Variants in ADAM33 observed in about 807,000 individuals in gnomAD.
ADAM33 encodes the protein ADAM metallopeptidase domain 33.
A neutral mutation model predicts 106.2 loss-of-function variants in ADAM33; 103 were observed. That is an observed-to-expected ratio of 0.97 (90% CI 0.83 to 1.14). The LOEUF (loss-of-function observed/expected upper bound fraction) is 1.14, where lower values mean the gene tolerates loss of function less well. Among genes scored for constraint, ADAM33 ranks in the 50% most tolerant of loss-of-function variants. ADAM33 has a pLI of 0.00. For missense variants in ADAM33, 1,120 were observed against 1,096.6 expected (o/e 1.02, Z -0.30); for synonymous variants, 483 against 453.0 (o/e 1.07, Z -0.84).
intron 2 of ADAM33, among the ~76,000 whole-genome samples, chr20:3,678,592 C>T (rs2088175472): frequency 6.6e-6 from 1 of 152,214 alleles, no homozygotes; most frequent in Non-Finnish European, 1.5e-5. Flanking sequence ...GGCCTCTCAG[C>T]CTTCATGGCA....
At chr20:3,681,853 C>T (rs2088529074) in intron 1 of ADAM33, 55 bp downstream of exon 1, 2 of 1,571,052 alleles carry the variant, frequency 1.3e-6, no homozygotes, top group African/African-American at 2.8e-5. Context: ...CCCATCCCCG[C>T]CACCACCACC....
At chr20:3,676,200 C>T (rs962958506) in intron 3 of ADAM33, among the ~76,000 whole-genome samples, 8 of 151,164 alleles carry the variant, frequency 5.3e-5, no homozygotes, top group Non-Finnish European at 1.0e-4. Context: ...CCTTCCTGAG[C>T]ACAGGTCTGC....
chr20:3,674,894 C>G (rs745904114), intron 4 of ADAM33, 45 bp from the exon 5 acceptor site: 11 of 1,606,322 alleles, frequency 6.8e-6, no homozygotes, highest in Non-Finnish European at 9.4e-6. Context: ...AGGGCTGGAG[C>G]AAGAGGGGCA....
chr20:3,668,938 A>G lies in ADAM33; in HGVS notation c.*25T>C. ...GCTGTCAGTGGCCACCTGTCTTTAA[A>G]TCTGTTCATTTTAGGAGCTACCTCT... On this transcript the variant is annotated 3_prime_UTR_variant, in exon 22 of 22. Coordinates refer to ENST00000356518, the MANE Select transcript of ADAM33 (RefSeq NM_025220.5). 6.2e-7 allele frequency: 1 copy of G among 1,613,422 alleles called. No individual in the cohort carries two copies. The highest frequency in any genetic ancestry group is 2.2e-5 in the East Asian group (1 of 44,864).
In ADAM33 at chr20:3,668,828, G is replaced by T. The variant is rs551608684; in HGVS notation, c.*135C>A. Reference sequence around the variant, plus strand: ...GAGTGGGTGGGTCGAAGCTCCACTCGGGGAAGAAACTTCCAAGCTGCCTGC... The same window carrying T: ...GAGTGGGTGGGTCGAAGCTCCACTCTGGGAAGAAACTTCCAAGCTGCCTGC... On this transcript the variant is annotated 3_prime_UTR_variant, in exon 22 of 22. Coordinates refer to ENST00000356518, the MANE Select transcript of ADAM33 (RefSeq NM_025220.5). 9.1e-7 allele frequency: 1 copy of T among 1,101,108 alleles called. No homozygotes were observed. The highest frequency in any genetic ancestry group is 1.7e-5 in the Admixed American group (1 of 58,480). 68.2% of individuals were successfully genotyped at this position (1,101,108 alleles called of 1,614,324 possible). A position where few individuals can be genotyped will look rare whatever the true frequency, so the allele number is the denominator to read the frequency against.
chr20:3,679,121 G>A (rs1416832829), intron 2 of ADAM33, among the ~76,000 whole-genome samples: 3 of 123,790 alleles, frequency 2.4e-5, no homozygotes, highest in African/African-American at 3.3e-5. Context: ...TTTGCAAAAG[G>A]TTTTCTTTTT....
In ADAM33 at chr20:3,668,727, G is replaced by A; in HGVS notation, c.*236C>T. On this transcript the variant is annotated 3_prime_UTR_variant, in exon 22 of 22. Coordinates refer to ENST00000356518, the MANE Select transcript of ADAM33 (RefSeq NM_025220.5). ...TGTGACCTTTGCTTCTGGGACTGATGGTTTATTGAGCTGGAGAGTGTGCCC... is the reference window on the plus strand; with the variant it reads ...TGTGACCTTTGCTTCTGGGACTGATAGTTTATTGAGCTGGAGAGTGTGCCC... The A allele has an allele frequency of 1.8e-6, 1 of 561,682 alleles. No individual in the cohort carries two copies. Among genetic ancestry groups the A allele is most frequent in the South Asian group, 2.0e-5 (1 of 50,630 alleles). The allele number at this position is 561,682 out of a possible 1,614,324, so 34.8% of individuals were successfully genotyped here.
intron 1 of ADAM33, among the ~76,000 whole-genome samples, chr20:3,679,913 C>T (rs913681662): frequency 2.6e-5 from 4 of 152,132 alleles, no homozygotes; most frequent in African/African-American, 4.8e-5. Flanking sequence ...GGAAAGAGCG[C>T]GGCAGCCTTA....
chr20:3,669,351 C>T lies in ADAM33; in HGVS notation c.2352G>A (p.Glu784=). ...GAGGCTTCTCAGGGTGGCTGCTGGG[C>T]TCATGAGAGTTCTCAGGGTCTGGGA... The part of the protein sequence containing the change: ...PWPLDPENSH[E]PSSHPEKPLP... Residue 784 remains glutamate (E), a synonymous_variant, in exon 21 of 22, where the codon GAG becomes GAA. Coordinates refer to ENST00000356518, the MANE Select transcript of ADAM33 (RefSeq NM_025220.5). 1 of 1,605,116 alleles carries T rather than the reference C, an allele frequency of 6.2e-7. No homozygotes were observed. The highest frequency in any genetic ancestry group is 8.5e-7 in the Non-Finnish European group (1 of 1,177,750).
At chr20:3,673,968 T>A in intron 8 of ADAM33, 57 bp from the exon 9 acceptor site, 12 of 1,593,672 alleles carry the variant, frequency 7.5e-6, no homozygotes, top group Non-Finnish European at 9.4e-6. Context: ...CCGGTGGTCC[T>A]TCGTGGGGCG....
intron 13 of ADAM33, 69 bp from the exon 14 acceptor site, chr20:3,672,398 C>T (rs939213717): frequency 6.3e-7 from 1 of 1,581,636 alleles, no homozygotes; most frequent in South Asian, 1.2e-5. Flanking sequence ...ATGCCGAGAG[C>T]GCGGCTCGGA....
At position 3,673,448 on chromosome 20, in the gene ADAM33, T is replaced by C; in HGVS notation, c.1039A>G (p.Ile347Val). The part of the protein sequence containing the change: ...IGAAATMAHE[I>V]GHSLGLSHDP... ...TGGCTGAGGCCGAGGCTGTGGCCGA[T>C]CTCATGGGCCATGGTGGCTGCGGCG... Residue 347 changes from isoleucine (I) to valine (V), a missense_variant, in exon 11 of 22, where the codon ATC (isoleucine) becomes GTC (valine). Coordinates refer to ENST00000356518, the MANE Select transcript of ADAM33 (RefSeq NM_025220.5). 1 of 1,578,780 alleles carries C rather than the reference T, an allele frequency of 6.3e-7. No individual in the cohort carries two copies. Among genetic ancestry groups the C allele is most frequent in the South Asian group, 1.1e-5 (1 of 87,092 alleles).
rs1568808245 is a variant in ADAM33 at position 3,673,836 on chromosome 20, T to G, written c.814A>C (p.Thr272Pro). Residue 272 changes from threonine to proline, a missense_variant, in exon 9 of 22, where the codon ACG becomes CCG. Coordinates refer to ENST00000356518, the MANE Select transcript of ADAM33 (RefSeq NM_025220.5). ...VWTERDRSRV[T>P]QDANATLWAF... Reference sequence around the variant, plus strand: ...CAGAGCGTGGCGTTGGCGTCCTGCGTGACGCGGCTGCGGTCCCGCTCGGTC... The same window carrying G: ...CAGAGCGTGGCGTTGGCGTCCTGCGGGACGCGGCTGCGGTCCCGCTCGGTC... The G allele has an allele frequency of 6.4e-7, 1 of 1,563,024 alleles. No homozygotes were observed. Among genetic ancestry groups the G allele is most frequent in the Non-Finnish European group, 8.6e-7 (1 of 1,162,396 alleles).
intron 15 of ADAM33, 27 bp from the exon 16 acceptor site, chr20:3,671,806 C>G: frequency 6.4e-7 from 1 of 1,552,704 alleles, no homozygotes; most frequent in Non-Finnish European, 8.7e-7. Flanking sequence ...GGGGGGTCAA[C>G]AGCTGCAGTA....
chr20:3,675,169 C>T lies in ADAM33; in HGVS notation c.255-64G>A. The T allele has an allele frequency of 7.8e-7, 1 of 1,280,888 alleles. No individual in the cohort carries two copies. The highest frequency in any genetic ancestry group is 1.1e-6 in the Non-Finnish European group (1 of 896,706). 79.3% of individuals were successfully genotyped at this position (1,280,888 alleles called of 1,614,324 possible). On this transcript the variant is annotated intron_variant, in intron 3 of 21. Coordinates refer to ENST00000356518, the MANE Select transcript of ADAM33 (RefSeq NM_025220.5). This position sits in a 1 kb window ranked among gnomAD's most constrained non-coding sequence, Gnocchi z 4.1. ...CCTCCTGCCTCCTCCAGGATGTCTC[C>T]CAGCCTTCCTCCCTAAATGCTAATG...
At chr20:3,681,827 C>G (rs1331498037) in intron 1 of ADAM33, 81 bp downstream of exon 1, 17 of 1,512,906 alleles carry the variant, frequency 1.1e-5, no homozygotes, top group Non-Finnish European at 1.5e-5. Context: ...CGCGCTGACC[C>G]GAGCTCTGAG....
chr20:3,677,431 G>A (rs1352032875), intron 2 of ADAM33, among the ~76,000 whole-genome samples: 2 of 152,196 alleles, frequency 1.3e-5, no homozygotes, highest in Admixed American at 6.5e-5. Context: ...GTCCCAGAAA[G>A]GTGCCCCTCC....
chr20:3,677,809 C>T (rs2088105717), intron 2 of ADAM33, among the ~76,000 whole-genome samples: 2 of 152,228 alleles, frequency 1.3e-5, no homozygotes, highest in South Asian at 4.1e-4. Flanking sequence ...GACGGCCAGC[C>T]CTCTCTCCTT....
At position 3,674,862 on chromosome 20, in the gene ADAM33, G is replaced by A. The variant is rs1300742858; in HGVS notation, c.334-13C>T. ...AGTGGCAATGATCCTAGGGAGGAAGGGGCCAGCCCCAAATCTCAGCCAGGG... is the reference window on the plus strand; with the variant it reads ...AGTGGCAATGATCCTAGGGAGGAAGAGGCCAGCCCCAAATCTCAGCCAGGG... On this transcript the variant is annotated splice_polypyrimidine_tract_variant and intron_variant, in intron 4 of 21. Coordinates refer to ENST00000356518, the MANE Select transcript of ADAM33 (RefSeq NM_025220.5). 4 of 1,609,040 alleles carry A rather than the reference G, an allele frequency of 2.5e-6. No individual in the cohort carries two copies. The highest frequency in any genetic ancestry group is 3.4e-6 in the Non-Finnish European group (4 of 1,177,194).
Sources: gnomAD v4.1 joint callset for allele counts (sites outside exome capture counted in the v4.1 genomes callset) on GRCh38, gnomAD v4.1.1 for gene constraint, Gnocchi (gnomAD v3.1) non-coding constraint, MANE v1.5 for transcripts, NCBI Gene and HGNC (gene_info 2026-07-23, HGNC 2026-07-21) for gene names.